The following NPAS3 variants were observed in gnomAD, a reference collection of about 807,000 sequenced individuals.
NPAS3 encodes the protein neuronal PAS domain protein 3, also known as neuronal PAS domain-containing protein 3.
NPAS3 carries 14 observed loss-of-function variants against 73.1 expected under a neutral mutation model. The observed-to-expected ratio is 0.19, with a 90% confidence interval of 0.13 to 0.30. The LOEUF (loss-of-function observed/expected upper bound fraction) is 0.30, where lower values mean the gene tolerates loss of function less well. Ranked by LOEUF, NPAS3 falls within the 10% of genes least tolerant of loss-of-function variation. The probability of loss-of-function intolerance (pLI) is 1.00; values close to 1 mark genes in which losing one functional copy is unlikely to be tolerated. For synonymous variants in NPAS3, 620 were observed against 541.5 expected (o/e 1.14, Z -2.01); for missense variants, 1,096 against 1,250.0 (o/e 0.88, Z 1.86).
At position 33,664,190 on chromosome 14, in the gene NPAS3, A is replaced by G. The variant is rs377605655; in HGVS notation, c.559-12021A>G. On this transcript the variant is annotated intron_variant, in intron 5 of 11. Coordinates refer to ENST00000356141, the Ensembl canonical transcript of NPAS3. ...ACAGATATACAGACCACTGGAACAG[A>G]ACAGTGGCCTCAGAAATAACGCTGC... is the stretch of plus-strand genomic sequence containing the variant. Among the ~76,000 whole-genome samples the G allele has an allele frequency of 4.6e-5, 7 of 152,208 alleles. No homozygotes were observed. In the East Asian group the frequency reaches 9.6e-4, roughly 21 times the overall value.
At chr14:33,401,696 C>A (rs994472846) in intron 4 of NPAS3, among the ~76,000 whole-genome samples, 25 of 152,072 alleles carry the variant, frequency 1.6e-4, no homozygotes, top group African/African-American at 5.5e-4. Context: ...TAAAATATAT[C>A]TATTCATTTT....
At chr14:33,240,947 G>A (rs1324565319) in intron 3 of NPAS3, among the ~76,000 whole-genome samples, 3 of 151,832 alleles carry the variant, frequency 2.0e-5, no homozygotes, top group African/African-American at 7.2e-5. Flanking sequence ...TATAATTGAT[G>A]TGTTTCCTCC....
At chr14:33,676,298 C>G (rs779401848) in exon 6 of NPAS3, 17 of 1,613,118 alleles carry the variant, frequency 1.1e-5, no homozygotes, top group Middle Eastern at 1.6e-4. Flanking sequence ...GAAGCTCCCC[C>G]CTGGGCGGGG....
intron 3 of NPAS3, among the ~76,000 whole-genome samples, chr14:33,347,119 CTA>C (rs779690860): frequency 6.6e-6 from 1 of 152,154 alleles, no homozygotes; most frequent in African/African-American, 2.4e-5. Context: ...TTCAGTTCCT[CTA>C]GGGATTAAAA....
chr14:32,974,589 C>G (rs1432353150), intron 1 of NPAS3, among the ~76,000 whole-genome samples: 2 of 151,996 alleles, frequency 1.3e-5, no homozygotes, highest in Non-Finnish European at 2.9e-5. Context: ...AGGTGGGTGA[C>G]TGTTGACATT....
chr14:33,436,569 G>T (rs1276209890), intron 4 of NPAS3, among the ~76,000 whole-genome samples: 1 of 152,168 alleles, frequency 6.6e-6, no homozygotes, highest in Non-Finnish European at 1.5e-5. Flanking sequence ...TCCTGGAAAT[G>T]AAACTGCTGT....
intron 4 of NPAS3, among the ~76,000 whole-genome samples, chr14:33,409,505 A>G (rs1032648573): frequency 1.3e-5 from 2 of 152,202 alleles, no homozygotes; most frequent in African/African-American, 2.4e-5. Flanking sequence ...CAAATTGCCT[A>G]TCTCTATAAA....
chr14:33,248,816 A>G (rs2048478520), intron 3 of NPAS3, among the ~76,000 whole-genome samples: 1 of 152,238 alleles, frequency 6.6e-6, no homozygotes, highest in South Asian at 2.1e-4. Context: ...CTAAGTTTGA[A>G]GTCAGATTTC....
At chr14:33,186,318 T>C (rs1029168874) in intron 2 of NPAS3, among the ~76,000 whole-genome samples, 2 of 152,208 alleles carry the variant, frequency 1.3e-5, no homozygotes, top group Non-Finnish European at 2.9e-5. Flanking sequence ...CATTATCTTA[T>C]AGTGTTGAGG....
chr14:32,979,634 G>C (rs2054454840), intron 1 of NPAS3, among the ~76,000 whole-genome samples: 1 of 152,062 alleles, frequency 6.6e-6, no homozygotes, highest in African/African-American at 2.4e-5. Context: ...TTGGGCCTGA[G>C]GGCTGCAATA....
chr14:33,797,828 C>T (rs2063557730), intron 11 of NPAS3, among the ~76,000 whole-genome samples: 1 of 151,162 alleles, frequency 6.6e-6, no homozygotes, highest in South Asian at 2.1e-4. Flanking sequence ...ATATGTAGTG[C>T]TGGATAAATA....
At chr14:33,080,841 G>T (rs1477247679) in intron 2 of NPAS3, among the ~76,000 whole-genome samples, 1 of 152,210 alleles carries the variant, frequency 6.6e-6, no homozygotes, top group Non-Finnish European at 1.5e-5. Flanking sequence ...CAGCACTTCT[G>T]TTTACATTTT....
intron 5 of NPAS3, among the ~76,000 whole-genome samples, chr14:33,674,043 T>A (rs1328035244): frequency 6.6e-6 from 1 of 152,176 alleles, no homozygotes; most frequent in Non-Finnish European, 1.5e-5. Flanking sequence ...GAAAAAGTCC[T>A]CACCGTGCCC....
intron 2 of NPAS3, among the ~76,000 whole-genome samples, chr14:33,065,802 T>A (rs2041257545): frequency 6.6e-6 from 1 of 152,072 alleles, no homozygotes; most frequent in South Asian, 2.1e-4. Context: ...TAAGCTTTCA[T>A]AACAGCATCA....
chr14:33,124,362 G>A (rs1027165133), intron 2 of NPAS3, among the ~76,000 whole-genome samples: 40 of 152,020 alleles, frequency 2.6e-4, no homozygotes, highest in African/African-American at 8.7e-4. Flanking sequence ...GCAGAGACTC[G>A]GAAGCCGGAC....
chr14:33,575,524 T>G (rs1257760162), intron 5 of NPAS3, among the ~76,000 whole-genome samples: 1 of 152,184 alleles, frequency 6.6e-6, no homozygotes, highest in Non-Finnish European at 1.5e-5. Flanking sequence ...ATTCCTTTTC[T>G]GCCTCATTTG....
chr14:33,414,833 A>C (rs887970341), intron 4 of NPAS3, among the ~76,000 whole-genome samples: 2 of 152,116 alleles, frequency 1.3e-5, no homozygotes, highest in African/African-American at 2.4e-5. Context: ...ACTGGTCAAA[A>C]TCAGTAAACC....
chr14:33,351,732 C>A (rs974924436), intron 3 of NPAS3, among the ~76,000 whole-genome samples: 1 of 152,164 alleles, frequency 6.6e-6, no homozygotes, highest in African/African-American at 2.4e-5. Flanking sequence ...CCAAGATACT[C>A]CATCTCTAAT....
intron 4 of NPAS3, among the ~76,000 whole-genome samples, chr14:33,523,550 G>A (rs1019743098): frequency 6.6e-6 from 1 of 151,754 alleles, no homozygotes; most frequent in African/African-American, 2.4e-5. Flanking sequence ...ATCACCTGAG[G>A]TCAGGAGTTC....
Sources: gnomAD v4.1 joint callset for allele counts (sites outside exome capture counted in the v4.1 genomes callset) on GRCh38, gnomAD v4.1.1 for gene constraint, MANE v1.5 for transcripts, NCBI Gene and HGNC (gene_info 2026-07-23, HGNC 2026-07-21) for gene names.